FRMD4A: variants seen among roughly 807,000 people sequenced by gnomAD.
FRMD4A encodes FERM domain containing 4A, also known as FERM domain-containing protein 4A.
In FRMD4A, 29 loss-of-function variants were observed where a neutral mutation model predicts 129.1. The ratio of observed to expected loss-of-function variants is 0.22; its 90% CI spans 0.17 to 0.31. The LOEUF is 0.31. Among genes scored for constraint, FRMD4A ranks in the 10% least tolerant of loss-of-function variants. The pLI is 1.00. For missense variants in FRMD4A, 1,272 were observed against 1,375.8 expected, an observed-to-expected ratio of 0.92 and a Z score of 1.19; for synonymous variants, 634 against 571.6, an observed-to-expected ratio of 1.11 and a Z score of -1.56.
chr10:13,669,165 G>A (rs1433055412), intron 17 of FRMD4A, among the ~76,000 whole-genome samples: 5 of 148,712 alleles, frequency 3.4e-5, no homozygotes, highest in Non-Finnish European at 5.9e-5. Flanking sequence ...GGGTTCAAGC[G>A]ATTCTCACCT....
rs10674411 is a variant in FRMD4A at position 14,227,243 on chromosome 10, CTTTTTTTTTTTTTTT to C, written c.45+102800_45+102814del. On this transcript the variant is annotated intron_variant, in intron 2 of 24. Transcript: ENST00000357447. The stretch of plus-strand genomic sequence containing the variant: ...TCCTCCTCCTCCTTCTCTTCTTCTT[CTTTTTTTTTTTTTTT>C]TTTTTTTTTTTTAGGCAGAGTCTCA... Among the ~76,000 whole-genome samples the C allele has an allele frequency of 3.1e-5, 2 of 64,100 alleles. 1 individual carries two copies. The highest frequency in any genetic ancestry group is 5.4e-5 in the Non-Finnish European group (2 of 36,888). The allele number at this position is 64,100 out of a possible 152,430, so 42.1% of individuals were successfully genotyped here. A position where few individuals can be genotyped will look rare whatever the true frequency, so the allele number is the denominator to read the frequency against.
chr10:13,772,193 A>G (rs1289302201), intron 6 of FRMD4A, among the ~76,000 whole-genome samples: 1 of 66,294 alleles, frequency 1.5e-5, no homozygotes, highest in African/African-American at 3.6e-5. Context: ...TAATTATTAT[A>G]TAATAATAAA....
At chr10:13,928,016 CT>C (rs139350063) in intron 2 of FRMD4A, among the ~76,000 whole-genome samples, 60 of 113,006 alleles carry the variant, frequency 5.3e-4, no homozygotes, top group South Asian at 4.0e-3. Context: ...CTTAACATAC[CT>C]TTTTTTTTTT....
At chr10:14,211,013 C>T (rs767459892) in intron 2 of FRMD4A, among the ~76,000 whole-genome samples, 12 of 152,136 alleles carry the variant, frequency 7.9e-5, no homozygotes, top group Non-Finnish European at 1.6e-4. Context: ...AGGTGTGAGC[C>T]ACCGTGCTCA....
chr10:13,666,717 A>T (rs1405518194), intron 17 of FRMD4A, among the ~76,000 whole-genome samples: 1 of 151,890 alleles, frequency 6.6e-6, no homozygotes, highest in African/African-American at 2.4e-5. Flanking sequence ...CAGGATTTTT[A>T]GTTTCTTTAT....
chr10:14,292,395 G>A (rs1209536804), intron 2 of FRMD4A, among the ~76,000 whole-genome samples: 1 of 152,192 alleles, frequency 6.6e-6, no homozygotes, highest in East Asian at 1.9e-4. Context: ...GAAAATGACA[G>A]ACAATTCAAT....
intron 9 of FRMD4A, among the ~76,000 whole-genome samples, chr10:13,740,956 A>G (rs903496265): frequency 1.3e-5 from 2 of 151,442 alleles, no homozygotes; most frequent in Non-Finnish European, 2.9e-5. Context: ...CCTCCAGAGT[A>G]GCTGGGACTA....
chr10:13,720,424 T>C lies in FRMD4A; in HGVS notation c.760-13311A>G, dbSNP rs7901612. Among the ~76,000 whole-genome samples, 862 of 152,224 alleles carry C rather than the reference T, an allele frequency of 5.7e-3. 8 individuals are homozygous for C. The highest frequency in any genetic ancestry group is 0.02 in the African/African-American group (823 of 41,520). ...AAGGAGGAGTCTGTGAAATTAGCAG[T>C]GGGTCGCAAAAATGATTAGATATTC... is the stretch of plus-strand genomic sequence containing the variant. On this transcript the variant is annotated intron_variant, in intron 12 of 24. Coordinates refer to ENST00000357447, the MANE Select transcript of FRMD4A (RefSeq NM_018027.5).
chr10:13,783,547 ATT>A (rs57973701), intron 5 of FRMD4A, among the ~76,000 whole-genome samples: 41 of 145,840 alleles, frequency 2.8e-4, no homozygotes, highest in Admixed American at 4.1e-4. Context: ...ACCACGCCTA[ATT>A]TTTTTTTTTT....
intron 2 of FRMD4A, among the ~76,000 whole-genome samples, chr10:14,212,473 G>C (rs1056245248): frequency 6.6e-6 from 1 of 152,100 alleles, no homozygotes; most frequent in Non-Finnish European, 1.5e-5. Flanking sequence ...TGGAAAAGCA[G>C]ATCTACTCCC....
At chr10:14,259,867 G>C (rs1452551263) in intron 2 of FRMD4A, among the ~76,000 whole-genome samples, 1 of 151,468 alleles carries the variant, frequency 6.6e-6, no homozygotes, top group Non-Finnish European at 1.5e-5. Flanking sequence ...ACAGCTACAT[G>C]GCTCCAGCTG....
chr10:13,701,664 C>T (rs1283723521), intron 13 of FRMD4A, among the ~76,000 whole-genome samples, 186 bp from the exon 14 acceptor site: 1 of 152,214 alleles, frequency 6.6e-6, no homozygotes, highest in African/African-American at 2.4e-5. Flanking sequence ...ACATCATTGG[C>T]TGGGCAAAGG....
At chr10:13,751,948 TG>T (rs1174900196) in intron 8 of FRMD4A, among the ~76,000 whole-genome samples, 2 of 152,044 alleles carry the variant, frequency 1.3e-5, no homozygotes, top group African/African-American at 4.8e-5. Context: ...CCCAGGAGTT[TG>T]ACATTAGAGT....
intron 19 of FRMD4A, 102 bp downstream of exon 19, chr10:13,663,351 C>A: frequency 1.4e-6 from 1 of 720,088 alleles, no homozygotes; most frequent in South Asian, 1.7e-5. Flanking sequence ...TGCCTTTTGG[C>A]CTGGCTCTTG....
At chr10:13,667,889 A>C (rs949480754) in intron 17 of FRMD4A, 5 of 152,210 alleles carry the variant, frequency 3.3e-5, no homozygotes, top group Non-Finnish European at 7.3e-5. Flanking sequence ...AGGGAGAGAG[A>C]GCACACATCT....
intron 14 of FRMD4A, among the ~76,000 whole-genome samples, chr10:13,699,648 T>C (rs990521554): frequency 6.6e-6 from 1 of 152,016 alleles, no homozygotes; most frequent in Non-Finnish European, 1.5e-5. Context: ...GGGTCTGCCG[T>C]CAAGGGGAAC....
chr10:14,128,066 T>A lies in FRMD4A; in HGVS notation c.45+201992A>T, dbSNP rs866780116. On this transcript the variant is annotated intron_variant, in intron 2 of 24. Coordinates refer to ENST00000357447, the MANE Select transcript of FRMD4A (RefSeq NM_018027.5). ...TTTCCCTCTTTCTTTCTTTCTTTCTTTCTTTCTTTCTTTCTTTCTTTCTTT... is the reference window on the plus strand; with the variant it reads ...TTTCCCTCTTTCTTTCTTTCTTTCTATCTTTCTTTCTTTCTTTCTTTCTTT... Among the ~76,000 whole-genome samples the A allele has an allele frequency of 1.0e-3, 90 of 87,914 alleles. 1 individual carries two copies. The highest frequency in any genetic ancestry group is 3.7e-3 in the African/African-American group (75 of 20,440). 57.7% of individuals were successfully genotyped at this position (87,914 alleles called of 152,430 possible).
chr10:13,685,463 A>G, intron 15 of FRMD4A: 2 of 985,104 alleles, frequency 2.0e-6, no homozygotes, highest in African/African-American at 1.7e-5. Flanking sequence ...TACAGTTTCC[A>G]TTTCTTAGGC....
At chr10:14,177,859 A>C (rs370329579) in intron 2 of FRMD4A, among the ~76,000 whole-genome samples, 1 of 152,304 alleles carries the variant, frequency 6.6e-6, no homozygotes, top group East Asian at 1.9e-4. Context: ...GGGGTTGTTC[A>C]CCATATTTTT....
Sources: allele counts gnomAD v4.1 joint callset (sites outside exome capture counted in the v4.1 genomes callset), GRCh38; gene constraint gnomAD v4.1.1; transcripts MANE v1.5; gene names NCBI Gene and HGNC (gene_info 2026-07-23, HGNC 2026-07-21).